Variants in GAK observed in about 807,000 individuals in gnomAD.
GAK encodes cyclin G associated kinase.
Under a neutral mutation model 143.9 loss-of-function variants are expected in GAK, and 79 were observed. The ratio of observed to expected loss-of-function variants is 0.55; its 90% CI spans 0.46 to 0.66. GAK has a LOEUF of 0.66. Ranked by LOEUF, GAK falls within the 30% of genes least tolerant of loss-of-function variation. GAK has a pLI of 0.00. For missense variants in GAK, 1,693 were observed against 1,779.7 expected (o/e 0.95, Z 0.88); for synonymous variants, 881 against 765.5 (o/e 1.15, Z -2.49).
chr4:888,980 G>C lies in GAK; in HGVS notation c.1082-10C>G. On this transcript the variant is annotated splice_polypyrimidine_tract_variant and intron_variant, in intron 10 of 27. Coordinates refer to ENST00000314167, the MANE Select transcript of GAK (RefSeq NM_005255.4). ...TCCGCCAGCGCCAGGCCTGCAGGGA[G>C]ACACAGTCTCAGCAGGCCCCAGGTG... 1 of 1,608,986 alleles carries C rather than the reference G, an allele frequency of 6.2e-7. No homozygotes were observed. Among genetic ancestry groups the C allele is most frequent in the Non-Finnish European group, 8.5e-7 (1 of 1,178,998 alleles).
rs200014190 is a variant in GAK, at chr4:893,360, A to G, written c.990+17T>C. On this transcript the variant is annotated intron_variant, in intron 9 of 27. Transcript: ENST00000314167. ...CACCACTGCGGGGGATTTGGGGCTC[A>G]CGTGTGCCTCCCTCACCTCTGTGAT... 20 of 1,512,470 alleles carry G rather than the reference A, an allele frequency of 1.3e-5. No individual in the cohort carries two copies. In the East Asian group the frequency reaches 4.2e-4, roughly 32 times the overall value. The allele number at this position is 1,512,470 out of a possible 1,614,324, so 93.7% of individuals were successfully genotyped here.
chr4:881,610 C>T (rs1373951966), intron 15 of GAK, among the ~76,000 whole-genome samples: 1 of 152,206 alleles, frequency 6.6e-6, no homozygotes, highest in East Asian at 1.9e-4. Flanking sequence ...TTTTCACGTG[C>T]ATTATCCACC....
At chr4:888,752 G>T in intron 11 of GAK, 95 bp downstream of exon 11, 2 of 1,469,286 alleles carry the variant, frequency 1.4e-6, no homozygotes, top group South Asian at 1.3e-5. Flanking sequence ...GGGGCCTGAT[G>T]ACCAGCTGTT....
chr4:894,712 G>C (rs559815221), intron 7 of GAK: 29 of 152,434 alleles, frequency 1.9e-4, no homozygotes, highest in African/African-American at 6.0e-4. Context: ...GCCGGGCGCA[G>C]TGGCTCACGC....
At chr4:888,110 C>T (rs943925122) in intron 11 of GAK, 1 of 152,294 alleles carries the variant, frequency 6.6e-6, no homozygotes, top group Admixed American at 6.5e-5. Context: ...GAAGGTGTCG[C>T]CAGCTGTGGA....
intron 3 of GAK, 107 bp downstream of exon 3, chr4:912,628 A>C (rs1722244164): frequency 2.4e-6 from 2 of 831,180 alleles, no homozygotes; most frequent in East Asian, 5.0e-5. Context: ...TAACACATGA[A>C]AGACAACGTC....
chr4:893,531 G>C (rs766625209), intron 8 of GAK, 42 bp from the exon 9 acceptor site: 44 of 1,431,016 alleles, frequency 3.1e-5, no homozygotes, highest in Non-Finnish European at 4.0e-5. Context: ...CGGTTCCCCA[G>C]GCGGGTCAGC....
In GAK at chr4:882,815, G is replaced by T; in HGVS notation, c.1409C>A (p.Ser470Tyr). 6.2e-7 allele frequency: 1 copy of T among 1,609,562 alleles called. No homozygotes were observed. The change falls in exon 14 of 28, where the codon TCC (serine) becomes TAC (tyrosine). Residue 470 changes from serine to tyrosine, a missense_variant. This residue lies in a region of GAK where 871 missense variants were observed against 991.0 expected (regional missense o/e 0.88). Coordinates refer to ENST00000314167, the MANE Select transcript of GAK (RefSeq NM_005255.4). ...CCGCCGTGCTGCCCAGCCACACTCG[G>T]AGACCTGTGGGGACAGGGCACGGTG... ...YRPSRFHNRV[S>Y]ECGWAARRAP...
At chr4:873,249 T>C (rs1334182391) in intron 18 of GAK, among the ~76,000 whole-genome samples, 1 of 152,192 alleles carries the variant, frequency 6.6e-6, no homozygotes, top group Non-Finnish European at 1.5e-5. Flanking sequence ...TGATTATCAA[T>C]GTGTTTAAAA....
rs750175813 is a variant in GAK, at chr4:867,116, G to A, written c.2712C>T (p.Pro904=). ...AGCTGAGCAGGTCGGTGTTGCTGGA[G>A]GGGGCCTTGCAGGCCTGCGGGGGTA... is the stretch of plus-strand genomic sequence containing the variant. The part of the protein sequence containing the change: ...PAVPPQACKA[P]SSNTDLLSCL... Residue 904 remains proline (P), a synonymous_variant, in exon 21 of 28, where the codon CCC becomes CCT. Transcript: ENST00000314167. The A allele has an allele frequency of 2.5e-6, 4 of 1,578,622 alleles. No individual in the cohort carries two copies. Among genetic ancestry groups the A allele is most frequent in the Non-Finnish European group, 3.4e-6 (4 of 1,159,452 alleles).
chr4:922,971 C>G (rs546832559), intron 1 of GAK, among the ~76,000 whole-genome samples: 20 of 152,186 alleles, frequency 1.3e-4, no homozygotes, highest in Admixed American at 3.9e-4. Context: ...CCACGGGAAA[C>G]AAGCTACTGA....
In GAK at chr4:881,947, T is replaced by C; in HGVS notation, c.1621A>G (p.Met541Val). 1.3e-6 allele frequency: 2 copies of C among 1,597,932 alleles called. No homozygotes were observed. Among genetic ancestry groups the C allele is most frequent in the South Asian group, 1.1e-5 (1 of 88,580 alleles). The part of the protein sequence containing the change: ...TAEAAVYMFS[M>V]KRCPPGIWPS... ...CAGATGCCTGGTGGGCAGCGCTTCA[T>C]GCTGAACATGTACACGGCGGCCTCC... is the stretch of plus-strand genomic sequence containing the variant. The change falls in exon 15 of 28, where the codon ATG (methionine) becomes GTG (valine). Residue 541 changes from methionine to valine, a missense_variant. This residue lies in a region of GAK where 871 missense variants were observed against 991.0 expected (regional missense o/e 0.88). Coordinates refer to ENST00000314167, the MANE Select transcript of GAK (RefSeq NM_005255.4).
chr4:898,599 C>T lies in GAK; in HGVS notation c.526-441G>A, dbSNP rs754627012. On this transcript the variant is annotated intron_variant, in intron 5 of 27. Coordinates refer to ENST00000314167, the MANE Select transcript of GAK (RefSeq NM_005255.4). ...CTCACAGGCCGGGCGTGGTGGCTCA[C>T]GCCTGTAATCCCAGCACTTTGGGAG... is the stretch of plus-strand genomic sequence containing the variant. 2.6e-5 allele frequency among the ~76,000 whole-genome samples: 4 copies of T among 152,362 alleles called. 1 individual carries two copies. In the South Asian group the frequency reaches 8.3e-4, roughly 32 times the overall value.
chr4:930,181 T>C (rs939106224), intron 1 of GAK, among the ~76,000 whole-genome samples: 4 of 152,102 alleles, frequency 2.6e-5, no homozygotes, highest in Admixed American at 6.6e-5. Context: ...TAATTAAGTA[T>C]GTTTATATAA....
At position 882,009 on chromosome 4, in the gene GAK, C is replaced by G; in HGVS notation, c.1559G>C (p.Cys520Ser). Residue 520 changes from cysteine to serine, a missense_variant, in exon 15 of 28, where the codon TGC becomes TCC. Transcript: ENST00000314167. The stretch of plus-strand genomic sequence containing the variant: ...GAGACGGCAGAAGCACAGGAAGGAG[C>G]AGACGGCCACAGCAGACGCGGCTCT... ...DGRAASAVAV[C>S]SFLCFCRLFS... 1 of 1,606,632 alleles carries G rather than the reference C, an allele frequency of 6.2e-7. No individual in the cohort carries two copies. Among genetic ancestry groups the G allele is most frequent in the Non-Finnish European group, 8.5e-7 (1 of 1,177,034 alleles).
intron 8 of GAK, 67 bp from the exon 9 acceptor site, chr4:893,556 C>A: frequency 8.6e-7 from 1 of 1,157,514 alleles, no homozygotes; most frequent in South Asian, 1.6e-5. Flanking sequence ...CCTGCACTGG[C>A]AGAGGTCACA....
chr4:923,362 C>G lies in GAK; in HGVS notation c.145+8681G>C, dbSNP rs185036330. Among the ~76,000 whole-genome samples the G allele has an allele frequency of 2.1e-4, 32 of 152,294 alleles. 1 individual carries two copies. Among genetic ancestry groups the G allele is most frequent in the African/African-American group, 7.7e-4 (32 of 41,562 alleles). ...TGTTATATACATTTTACAGCACACA[C>G]TCTGCCAATTAAGGAACAGGCACAG... On this transcript the variant is annotated intron_variant, in intron 1 of 27. Transcript: ENST00000314167.
Position 894,017 on chromosome 4 carries a change from G to T in GAK, c.742-8C>A, listed in dbSNP as rs367638145. On this transcript the variant is annotated splice_region_variant and splice_polypyrimidine_tract_variant and intron_variant, in intron 7 of 27. Transcript: ENST00000314167. Reference sequence around the variant, plus strand: ...CAAGATGCAGCCCAGGGCCTGCGGGGAGAGCAGGGGTGATGCCTAGGCCCA... The same window carrying T: ...CAAGATGCAGCCCAGGGCCTGCGGGTAGAGCAGGGGTGATGCCTAGGCCCA... The T allele has an allele frequency of 1.3e-6, 2 of 1,591,258 alleles. No individual in the cohort carries two copies. Among genetic ancestry groups the T allele is most frequent in the Non-Finnish European group, 1.7e-6 (2 of 1,168,898 alleles).
intron 1 of GAK, among the ~76,000 whole-genome samples, chr4:924,916 C>T (rs1354721895): frequency 1.3e-5 from 2 of 151,792 alleles, no homozygotes; most frequent in African/African-American, 4.8e-5. Context: ...AGGGGCTGCT[C>T]TCAGGATAGT....
Sources: allele counts gnomAD v4.1 joint callset (sites outside exome capture counted in the v4.1 genomes callset), GRCh38; gene constraint gnomAD v4.1.1; regional missense constraint gnomAD v4.1.1; transcripts MANE v1.5; gene names NCBI Gene and HGNC (gene_info 2026-07-23, HGNC 2026-07-21).